The following SDR16C5 variants were observed in gnomAD, a reference collection of about 807,000 sequenced individuals.
SDR16C5 encodes the protein epidermal retinol dehydrogenase 2.
Under a neutral mutation model 27.7 loss-of-function variants are expected in SDR16C5, and 20 were observed. That is an observed-to-expected ratio of 0.72 (90% CI 0.51 to 1.05). SDR16C5 has a LOEUF of 1.05. Among genes scored for constraint, SDR16C5 ranks in the 50% least tolerant of loss-of-function variants. The probability of loss-of-function intolerance (pLI) is 0.00; values close to 1 mark genes in which losing one functional copy is unlikely to be tolerated. For missense variants in SDR16C5, 374 were observed against 366.3 expected (o/e 1.02, Z -0.17); for synonymous variants, 139 against 132.3 (o/e 1.05, Z -0.35).
chr8:56,316,033 C>A lies in SDR16C5; in HGVS notation c.315G>T (p.Val105=). 6.2e-7 allele frequency: 1 copy of A among 1,613,362 alleles called. No homozygotes were observed. The change falls in exon 2 of 7, where the codon GTG becomes GTT. Residue 105 remains valine (V), a synonymous_variant. Coordinates refer to ENST00000303749, the MANE Select transcript of SDR16C5 (RefSeq NM_138969.4). The part of the protein sequence containing the change: ...YTCDCSQKEG[V]YRVADQVKKE... ...GAGTTACCTGGTCGGCTACTCTATA[C>A]ACTCCTTCCTTTTGGCTGCAATCGC... is the stretch of plus-strand genomic sequence containing the variant.
chr8:56,313,922 G>C (rs934309437), intron 2 of SDR16C5, among the ~76,000 whole-genome samples: 11 of 152,044 alleles, frequency 7.2e-5, no homozygotes, highest in African/African-American at 2.7e-4. Flanking sequence ...AAACTCTCTG[G>C]TATTGGCCGG....
At chr8:56,319,400 A>G (rs1815276822) in intron 1 of SDR16C5, among the ~76,000 whole-genome samples, 1 of 152,224 alleles carries the variant, frequency 6.6e-6, no homozygotes, top group African/African-American at 2.4e-5. Flanking sequence ...TGGCTATATC[A>G]ATTAAATATG....
At chr8:56,309,913 C>T (rs1212506198) in intron 3 of SDR16C5, among the ~76,000 whole-genome samples, 1 of 152,072 alleles carries the variant, frequency 6.6e-6, no homozygotes, top group East Asian at 1.9e-4. Flanking sequence ...AAGTCACTGT[C>T]TTTGTGCCTG....
chr8:56,319,869 C>T (rs1384735703), intron 1 of SDR16C5, among the ~76,000 whole-genome samples, 190 bp downstream of exon 1: 1 of 152,180 alleles, frequency 6.6e-6, no homozygotes, highest in African/African-American at 2.4e-5. Context: ...CTGGGACGCT[C>T]AGCCGTGCGC....
At chr8:56,304,958 G>C (rs1408924206) in intron 6 of SDR16C5, among the ~76,000 whole-genome samples, 1 of 152,156 alleles carries the variant, frequency 6.6e-6, no homozygotes, top group African/African-American at 2.4e-5. Flanking sequence ...TTTTTGGAGA[G>C]ATGGGGTCTT....
rs185202572 is a variant in SDR16C5, at chr8:56,303,090, G to T, written c.837-1517C>A. Among the ~76,000 whole-genome samples, 3 of 152,078 alleles carry T rather than the reference G, an allele frequency of 2.0e-5. No homozygotes were observed. The East Asian group carries it at 5.8e-4, about 29-fold the overall frequency. On this transcript the variant is annotated intron_variant, in intron 6 of 6. Coordinates refer to ENST00000303749, the MANE Select transcript of SDR16C5 (RefSeq NM_138969.4). ...GCACTTTGGGAGGCTGAGGTGGGTG[G>T]ATGACCTGAGGTCGAGAGTTCAAGA...
intron 1 of SDR16C5, among the ~76,000 whole-genome samples, chr8:56,316,985 C>G (rs1188035878): frequency 6.6e-6 from 1 of 152,186 alleles, no homozygotes; most frequent in Non-Finnish European, 1.5e-5. Context: ...TCCCTAGGCT[C>G]TGAGGTCCCC....
intron 1 of SDR16C5, among the ~76,000 whole-genome samples, chr8:56,317,890 G>A (rs1263763264): frequency 1.3e-5 from 2 of 152,172 alleles, no homozygotes; most frequent in Admixed American, 1.3e-4. Flanking sequence ...GGGGCTGAGG[G>A]GATGGGCAGC....
intron 1 of SDR16C5, 111 bp from the exon 2 acceptor site, chr8:56,316,472 T>C: frequency 1.5e-6 from 1 of 672,396 alleles, no homozygotes; most frequent in East Asian, 2.7e-5. Flanking sequence ...AGATATGTGA[T>C]TTAAACAGCT....
intron 2 of SDR16C5, 68 bp from the exon 3 acceptor site, chr8:56,312,356 G>A (rs142167169): frequency 7.1e-7 from 1 of 1,417,058 alleles, no homozygotes; most frequent in African/African-American, 1.4e-5. Context: ...TATTTTCCCA[G>A]AGTTTTATGT....
At chr8:56,304,226 C>T in intron 6 of SDR16C5, 1 of 583,800 alleles carries the variant, frequency 1.7e-6, no homozygotes, top group Non-Finnish European at 3.1e-6. Flanking sequence ...TAATATCTAT[C>T]TTCAAATAAC....
chr8:56,319,928 G>C (rs1289685717), intron 1 of SDR16C5, 131 bp downstream of exon 1: 6 of 152,220 alleles, frequency 3.9e-5, no homozygotes, highest in African/African-American at 1.2e-4. Flanking sequence ...GTCCTGCCGC[G>C]GCTCGGCGAC....
intron 6 of SDR16C5, chr8:56,303,990 G>A (rs1376323932): frequency 8.5e-6 from 6 of 702,800 alleles, no homozygotes; most frequent in East Asian, 2.7e-5. Context: ...TAGTGGGATC[G>A]TAAGCCTGAA....
Position 56,308,948 on chromosome 8 carries a change from C to T in SDR16C5, c.545G>A (p.Ser182Asn). 1 of 1,612,416 alleles carries T rather than the reference C, an allele frequency of 6.2e-7. No individual in the cohort carries two copies. The highest frequency in any genetic ancestry group is 8.5e-7 in the Non-Finnish European group (1 of 1,179,358). The change falls in exon 4 of 7, where the codon AGT (serine) becomes AAT (asparagine). Residue 182 changes from serine (S) to asparagine (N), a missense_variant. By Grantham distance (46) the Ser-to-Asn change is conservative. Coordinates refer to ENST00000303749, the MANE Select transcript of SDR16C5 (RefSeq NM_138969.4). ...LVCISSSAGLSGVNGLADYCA... is the reference protein window; with the variant it reads ...LVCISSSAGLNGVNGLADYCA... ...CTTACCTGCCAGCCCATTTACTCCACTTAATCCAGCTGAACTTGAAATGCA... is the reference window on the plus strand; with the variant it reads ...CTTACCTGCCAGCCCATTTACTCCATTTAATCCAGCTGAACTTGAAATGCA...
At chr8:56,301,609 C>T (rs1271364251) in intron 6 of SDR16C5, 36 bp from the exon 7 acceptor site, 1 of 1,488,662 alleles carries the variant, frequency 6.7e-7, no homozygotes, top group Non-Finnish European at 9.4e-7. Flanking sequence ...TCTTTATTAT[C>T]ATTCATGAAA....
rs13273801 is a variant in SDR16C5 at position 56,301,262 on chromosome 8, A to G, written c.*218T>C. 65,406 of 409,670 alleles carry G rather than the reference A, an allele frequency of 0.16. 5,262 individuals carry two copies. The highest frequency in any genetic ancestry group is 0.19 in the Middle Eastern group (281 of 1,466). 25.4% of individuals were successfully genotyped at this position (409,670 alleles called of 1,614,324 possible). A position where few individuals can be genotyped will look rare whatever the true frequency, so the allele number is the denominator to read the frequency against. On this transcript the variant is annotated 3_prime_UTR_variant, in exon 7 of 7. Coordinates refer to ENST00000303749, the MANE Select transcript of SDR16C5 (RefSeq NM_138969.4). ...AAAAATGGGCTGTCTTTATTTTTGG[A>G]AAAAAAAAGAAAAAGAAAAAACCAA...
In SDR16C5 at chr8:56,308,195, C is replaced by G. The variant is rs550555747; in HGVS notation, c.565+733G>C. ...TTGCTTCAAAAGCATTAGGAACCAC[C>G]CAACTGGCAAACTGGCTTATCTGTT... On this transcript the variant is annotated intron_variant, in intron 4 of 6. Coordinates refer to ENST00000303749, the MANE Select transcript of SDR16C5 (RefSeq NM_138969.4). Among the ~76,000 whole-genome samples the G allele has an allele frequency of 3.3e-5, 5 of 152,278 alleles. No homozygotes were observed. The East Asian group carries it at 9.6e-4, about 29-fold the overall frequency.
In SDR16C5 at chr8:56,301,356, C is replaced by T; in HGVS notation, c.*124G>A. 1 of 592,854 alleles carries T rather than the reference C, an allele frequency of 1.7e-6. No homozygotes were observed. The highest frequency in any genetic ancestry group is 3.0e-6 in the Non-Finnish European group (1 of 328,164). The allele number at this position is 592,854 out of a possible 1,614,324, so 36.7% of individuals were successfully genotyped here. A position where few individuals can be genotyped will look rare whatever the true frequency, so the allele number is the denominator to read the frequency against. ...TGATTGAAAATTCTAGTCCAGATAA[C>T]AGAATAGGAGTGGTACTTGTGGTCT... On this transcript the variant is annotated 3_prime_UTR_variant, in exon 7 of 7. Transcript: ENST00000303749.
intron 3 of SDR16C5, among the ~76,000 whole-genome samples, chr8:56,309,795 G>A (rs1033495312): frequency 1.1e-4 from 17 of 152,116 alleles, no homozygotes; most frequent in Non-Finnish European, 4.4e-5. Context: ...GCAAAAGGAA[G>A]CAGTGCAGCA....
Sources: allele counts gnomAD v4.1 joint callset (sites outside exome capture counted in the v4.1 genomes callset), GRCh38; gene constraint gnomAD v4.1.1; transcripts MANE v1.5; gene names NCBI Gene and HGNC (gene_info 2026-07-23, HGNC 2026-07-21).